Variants in ADAT2 observed in about 807,000 individuals in gnomAD.
ADAT2 encodes the protein tRNA-specific adenosine-34 deaminase catalytic subunit ADAT2.
ADAT2 carries 26 observed loss-of-function variants against 25.9 expected under a neutral mutation model. The ratio of observed to expected loss-of-function variants is 1.00; its 90% CI spans 0.74 to 1.39. The LOEUF is 1.39. Ranked by LOEUF, ADAT2 falls within the 40% of genes most tolerant of loss-of-function variation. The pLI, the probability that ADAT2 is intolerant of heterozygous loss-of-function variation, is 0.00. For synonymous variants in ADAT2, 76 were observed against 86.8 expected (o/e 0.88, Z 0.69); for missense variants, 220 against 244.8 (o/e 0.90, Z 0.68).
chr6:143,447,186 TACTTGA>T, intron 1 of ADAT2, among the ~76,000 whole-genome samples: 1 of 152,242 alleles, frequency 6.6e-6, no homozygotes, highest in East Asian at 1.9e-4. Context: ...GGGTGCTGAC[TACTTGA>T]AATGTGGCTA....
rs2128741172 is a variant in ADAT2, at chr6:143,436,616, T to C, written c.201+1974A>G. 1 of 403,190 alleles carries C rather than the reference T, an allele frequency of 2.5e-6. No homozygotes were observed. Among genetic ancestry groups the C allele is most frequent in the Middle Eastern group, 9.2e-4 (1 of 1,082 alleles). 25.0% of individuals were successfully genotyped at this position (403,190 alleles called of 1,614,324 possible). ...GAATTCACTGGGGCCGAGAGCAACA[T>C]GAATGACCTGGTATCAGAGTACCAA... On this transcript the variant is annotated intron_variant, in intron 2 of 5. Coordinates refer to ENST00000237283, the MANE Select transcript of ADAT2 (RefSeq NM_182503.3). This position sits in a 1 kb window ranked among gnomAD's most constrained non-coding sequence, Gnocchi z 4.1.
Position 143,444,917 on chromosome 6 carries a change from T to C in ADAT2, c.96+5646A>G. The C allele has an allele frequency of 7.7e-7, 1 of 1,301,600 alleles. No homozygotes were observed. The highest frequency in any genetic ancestry group is 5.6e-5 in the East Asian group (1 of 17,862). The allele number at this position is 1,301,600 out of a possible 1,614,324, so 80.6% of individuals were successfully genotyped here. On this transcript the variant is annotated intron_variant, in intron 1 of 5. Transcript: ENST00000237283. The surrounding 1 kb of genome is among the most constrained non-coding windows in gnomAD (Gnocchi z 4.3). ...GATGTCATGATAAAAGGGGGAGAGA[T>C]GGAAACAGACCTTGTTTGCACACAG...
chr6:143,437,998 T>C lies in ADAT2; in HGVS notation c.201+592A>G, dbSNP rs1282595833. ...ATAAAAGTCATACAAGCTATTAAAA[T>C]GTACATGCTACATGTAGCTACAGAG... On this transcript the variant is annotated intron_variant, in intron 2 of 5. Transcript: ENST00000237283. This position sits in a 1 kb window ranked among gnomAD's most constrained non-coding sequence, Gnocchi z 4.1. 6.6e-6 allele frequency among the ~76,000 whole-genome samples: 1 copy of C among 152,202 alleles called. No individual in the cohort carries two copies. The highest frequency in any genetic ancestry group is 2.1e-4 in the South Asian group (1 of 4,834).
At position 143,446,436 on chromosome 6, in the gene ADAT2, T is replaced by A. The variant is rs1779602515; in HGVS notation, c.96+4127A>T. Among the ~76,000 whole-genome samples the A allele has an allele frequency of 6.6e-6, 1 of 152,194 alleles. No individual in the cohort carries two copies. The highest frequency in any genetic ancestry group is 2.4e-5 in the African/African-American group (1 of 41,448). On this transcript the variant is annotated intron_variant, in intron 1 of 5. Coordinates refer to ENST00000237283, the MANE Select transcript of ADAT2 (RefSeq NM_182503.3). The surrounding 1 kb of genome is among the most constrained non-coding windows in gnomAD (Gnocchi z 5.0). The stretch of plus-strand genomic sequence containing the variant: ...TAAACAAGTAAAGAACTTCTCTATA[T>A]AAATATTTATATTGCTTCTTTGTGA...
In ADAT2 at chr6:143,446,065, A is replaced by G. The variant is rs1170398964; in HGVS notation, c.96+4498T>C. On this transcript the variant is annotated intron_variant, in intron 1 of 5. Transcript: ENST00000237283. This position sits in a 1 kb window ranked among gnomAD's most constrained non-coding sequence, Gnocchi z 5.0. ...TGGAGAACTTAGCGATTAAAAAAAA[A>G]AAACCTCATGTATCAAAAAAAAAAA... Among the ~76,000 whole-genome samples, 6 of 151,126 alleles carry G rather than the reference A, an allele frequency of 4.0e-5. No homozygotes were observed. Among genetic ancestry groups the G allele is most frequent in the Non-Finnish European group, 7.4e-5 (5 of 67,906 alleles).
chr6:143,425,410 C>G lies in ADAT2; in HGVS notation c.*3053G>C, dbSNP rs964451907. On this transcript the variant is annotated 3_prime_UTR_variant, in exon 6 of 6. Transcript: ENST00000237283. ...ACATGAGTCTGTGGTCCCAGCTACT[C>G]AGGAGGCTGAGGAGGAAGGATTGCT... The G allele has an allele frequency of 6.7e-6, 1 of 148,988 alleles. No individual in the cohort carries two copies. Among genetic ancestry groups the G allele is most frequent in the Non-Finnish European group, 1.5e-5 (1 of 68,926 alleles). 9.2% of individuals were successfully genotyped at this position (148,988 alleles called of 1,614,324 possible). A position where few individuals can be genotyped will look rare whatever the true frequency, so the allele number is the denominator to read the frequency against.
At chr6:143,441,459 AG>A (rs1444332631) in intron 1 of ADAT2, 1 of 152,374 alleles carries the variant, frequency 6.6e-6, no homozygotes. Flanking sequence ...CTGTACAAGA[AG>A]TATGGTATCA....
At chr6:143,450,241 G>T (rs987142163) in intron 1 of ADAT2, among the ~76,000 whole-genome samples, 1 of 152,114 alleles carries the variant, frequency 6.6e-6, no homozygotes, top group African/African-American at 2.4e-5. Flanking sequence ...CAAATAATGT[G>T]ACTTTGTAGA....
intron 1 of ADAT2, among the ~76,000 whole-genome samples, chr6:143,439,940 C>A (rs1353061026): frequency 6.6e-6 from 1 of 152,180 alleles, no homozygotes. Flanking sequence ...TCTCAAAGTT[C>A]CCTTTATCAC....
intron 2 of ADAT2, among the ~76,000 whole-genome samples, chr6:143,438,104 C>T (rs946362992): frequency 2.0e-5 from 3 of 152,042 alleles, no homozygotes; most frequent in Non-Finnish European, 4.4e-5. Context: ...ATACCTCCCT[C>T]CAAAGCTATA....
rs1262345534 is a variant in ADAT2 at position 143,427,334 on chromosome 6, C to G, written c.*1129G>C. 4 of 152,572 alleles carry G rather than the reference C, an allele frequency of 2.6e-5. No individual in the cohort carries two copies. Among genetic ancestry groups the G allele is most frequent in the Non-Finnish European group, 4.4e-5 (3 of 68,044 alleles). The allele number at this position is 152,572 out of a possible 1,614,324, so 9.5% of individuals were successfully genotyped here. On this transcript the variant is annotated 3_prime_UTR_variant, in exon 6 of 6. Coordinates refer to ENST00000237283, the MANE Select transcript of ADAT2 (RefSeq NM_182503.3). ...AGGAAATGAATCTACTGAAGAAATG[C>G]AACTGAGGAGCAGCAGCCCCTCCAG...
chr6:143,436,450 G>A lies in ADAT2; in HGVS notation c.201+2140C>T. The stretch of plus-strand genomic sequence containing the variant: ...AGCTTTCTGGGACATCCCATCCGCA[G>A]GACTAAAAACGTCCACCACTTTCAT... On this transcript the variant is annotated intron_variant, in intron 2 of 5. Coordinates refer to ENST00000237283, the MANE Select transcript of ADAT2 (RefSeq NM_182503.3). The surrounding 1 kb of genome is among the most constrained non-coding windows in gnomAD (Gnocchi z 4.1). 1 of 268,038 alleles carries A rather than the reference G, an allele frequency of 3.7e-6. No homozygotes were observed. The highest frequency in any genetic ancestry group is 3.5e-5 in the Admixed American group (1 of 28,612). The allele number at this position is 268,038 out of a possible 1,614,324, so 16.6% of individuals were successfully genotyped here. A position where few individuals can be genotyped will look rare whatever the true frequency, so the allele number is the denominator to read the frequency against.
Position 143,435,460 on chromosome 6 carries a change from ATCT to A in ADAT2, c.202-1482_202-1480del, listed in dbSNP as rs1481001510. Among the ~76,000 whole-genome samples, 3 of 152,142 alleles carry A rather than the reference ATCT, an allele frequency of 2.0e-5. No homozygotes were observed. In the East Asian group the frequency reaches 5.8e-4, roughly 29 times the overall value. Reference sequence around the variant, plus strand: ...CTTTCTATGCTGTAGTTATAGAGTAATCTTCTTTATGACACGGAATAACAAAAT... The same window carrying A: ...CTTTCTATGCTGTAGTTATAGAGTAATCTTTATGACACGGAATAACAAAAT... On this transcript the variant is annotated intron_variant, in intron 2 of 5. Transcript: ENST00000237283.
In ADAT2 at chr6:143,427,918, T is replaced by C. The variant is rs536656464; in HGVS notation, c.*545A>G. 1 of 152,390 alleles carries C rather than the reference T, an allele frequency of 6.6e-6. No individual in the cohort carries two copies. The highest frequency in any genetic ancestry group is 1.5e-5 in the Non-Finnish European group (1 of 68,158). The allele number at this position is 152,390 out of a possible 1,614,324, so 9.4% of individuals were successfully genotyped here. On this transcript the variant is annotated 3_prime_UTR_variant, in exon 6 of 6. Coordinates refer to ENST00000237283, the MANE Select transcript of ADAT2 (RefSeq NM_182503.3). ...GTATGCATTTTTTCTAAATGCTTTA[T>C]AAAAGCAAAGTCTTTTCTAAGGACC...
At position 143,426,644 on chromosome 6, in the gene ADAT2, A is replaced by G. The variant is rs2128737210; in HGVS notation, c.*1819T>C. On this transcript the variant is annotated 3_prime_UTR_variant, in exon 6 of 6. Coordinates refer to ENST00000237283, the MANE Select transcript of ADAT2 (RefSeq NM_182503.3). This position sits in a 1 kb window ranked among gnomAD's most constrained non-coding sequence, Gnocchi z 4.1. Reference sequence around the variant, plus strand: ...TGTCTATCACTTTATTATTTCCTTCATTCTTTTAGTAGCGACAGTCTCTGG... The same window carrying G: ...TGTCTATCACTTTATTATTTCCTTCGTTCTTTTAGTAGCGACAGTCTCTGG... The G allele has an allele frequency of 6.6e-6, 1 of 152,288 alleles. No individual in the cohort carries two copies. Among genetic ancestry groups the G allele is most frequent in the East Asian group, 1.9e-4 (1 of 5,184 alleles). The allele number at this position is 152,288 out of a possible 1,614,324, so 9.4% of individuals were successfully genotyped here. A position where few individuals can be genotyped will look rare whatever the true frequency, so the allele number is the denominator to read the frequency against.
chr6:143,427,818 A>G lies in ADAT2; in HGVS notation c.*645T>C, dbSNP rs962510550. 6.6e-6 allele frequency: 1 copy of G among 152,228 alleles called. No individual in the cohort carries two copies. Among genetic ancestry groups the G allele is most frequent in the Non-Finnish European group, 1.5e-5 (1 of 68,074 alleles). The allele number at this position is 152,228 out of a possible 1,614,324, so 9.4% of individuals were successfully genotyped here. A position where few individuals can be genotyped will look rare whatever the true frequency, so the allele number is the denominator to read the frequency against. ...ATCTTTTAAGACTATTCATCTTCAA[A>G]TAAGACATAAATAAGGTTTTATTAT... On this transcript the variant is annotated 3_prime_UTR_variant, in exon 6 of 6. Transcript: ENST00000237283.
Position 143,442,476 on chromosome 6 carries a change from T to TACACACACACACAC in ADAT2, c.97-3796_97-3783dup, listed in dbSNP as rs35133336. Among the ~76,000 whole-genome samples, 1,445 of 142,198 alleles carry TACACACACACACAC rather than the reference T, an allele frequency of 0.01. 20 individuals carry two copies. The highest frequency in any genetic ancestry group is 0.015 in the Admixed American group (212 of 14,026). The allele number at this position is 142,198 out of a possible 152,430, so 93.3% of individuals were successfully genotyped here. ...CATGACAAAATTGCATAGGCACGCA[T>TACACACACACACAC]ACACACACACACACACACACACACA... On this transcript the variant is annotated intron_variant, in intron 1 of 5. Coordinates refer to ENST00000237283, the MANE Select transcript of ADAT2 (RefSeq NM_182503.3). This position sits in a 1 kb window ranked among gnomAD's most constrained non-coding sequence, Gnocchi z 4.6.
Position 143,437,053 on chromosome 6 carries a change from A to G in ADAT2, c.201+1537T>C, listed in dbSNP as rs1779308592. Among the ~76,000 whole-genome samples the G allele has an allele frequency of 6.8e-6, 1 of 147,574 alleles. No homozygotes were observed. Among genetic ancestry groups the G allele is most frequent in the Admixed American group, 7.0e-5 (1 of 14,358 alleles). On this transcript the variant is annotated intron_variant, in intron 2 of 5. Coordinates refer to ENST00000237283, the MANE Select transcript of ADAT2 (RefSeq NM_182503.3). This position sits in a 1 kb window ranked among gnomAD's most constrained non-coding sequence, Gnocchi z 4.1. ...TCTACACTTCGATCTACTATTTTTC[A>G]TAAGCAAATTGATAAAAAAGTTTTT... is the stretch of plus-strand genomic sequence containing the variant.
intron 4 of ADAT2, among the ~76,000 whole-genome samples, chr6:143,430,570 A>T (rs1476902143): frequency 6.7e-6 from 1 of 150,210 alleles, no homozygotes; most frequent in Non-Finnish European, 1.5e-5. Context: ...ATTCATAATA[A>T]TTTTTTTTTT....
Sources: gnomAD v4.1 joint callset for allele counts (sites outside exome capture counted in the v4.1 genomes callset) on GRCh38, gnomAD v4.1.1 for gene constraint, Gnocchi (gnomAD v3.1) non-coding constraint, MANE v1.5 for transcripts, NCBI Gene and HGNC (gene_info 2026-07-23, HGNC 2026-07-21) for gene names.